The following PRIMPOL variants were observed in gnomAD, a reference collection of about 807,000 sequenced individuals.
PRIMPOL encodes DNA-directed primase/polymerase protein.
In PRIMPOL, 54 loss-of-function variants were observed where a neutral mutation model predicts 63.6. The observed-to-expected ratio is 0.85, with a 90% CI of 0.68 to 1.07. The LOEUF is 1.07. Among genes scored for constraint, PRIMPOL ranks in the 50% least tolerant of loss-of-function variants. The pLI, the probability that PRIMPOL is intolerant of heterozygous loss-of-function variation, is 0.00. For missense variants in PRIMPOL, 610 were observed against 648.3 expected, an observed-to-expected ratio of 0.94 and a Z score of 0.64; for synonymous variants, 197 against 220.2, an observed-to-expected ratio of 0.89 and a Z score of 0.93.
intron 9 of PRIMPOL, among the ~76,000 whole-genome samples, chr4:184,684,497 C>A (rs1427928530): frequency 1.1e-4 from 16 of 151,908 alleles, no homozygotes; most frequent in Admixed American, 1.0e-3. Flanking sequence ...ATAGGTCATT[C>A]TAAATTACTA....
chr4:184,665,780 C>G, intron 5 of PRIMPOL, 137 bp from the exon 6 acceptor site: 1 of 495,328 alleles, frequency 2.0e-6, no homozygotes, highest in South Asian at 3.9e-5. Context: ...GCTGGGATTA[C>G]AGGCATGAGC....
chr4:184,659,197 G>C, intron 3 of PRIMPOL, 143 bp from the exon 4 acceptor site: 1 of 633,656 alleles, frequency 1.6e-6, no homozygotes, highest in South Asian at 1.9e-5. Context: ...GTGACTATTT[G>C]TCTTGTTTTT....
chr4:184,667,814 T>TC (rs959617359), intron 6 of PRIMPOL, among the ~76,000 whole-genome samples: 11 of 152,090 alleles, frequency 7.2e-5, no homozygotes, highest in Admixed American at 4.6e-4. Flanking sequence ...CCCATCCCCT[T>TC]CCCCACTTGA....
chr4:184,659,511 A>T (rs1212011049), intron 4 of PRIMPOL, 74 bp downstream of exon 4: 24 of 1,083,686 alleles, frequency 2.2e-5, no homozygotes, highest in Non-Finnish European at 3.4e-5. Flanking sequence ...TGGTGAAATT[A>T]GTTCAGGCTG....
At chr4:184,665,889 A>T in intron 5 of PRIMPOL, 28 bp from the exon 6 acceptor site, 1 of 1,460,058 alleles carries the variant, frequency 6.8e-7, no homozygotes, top group Non-Finnish European at 9.2e-7. Context: ...AAAAATATAA[A>T]TTATTTGCAT....
At chr4:184,665,526 T>C (rs1322702198) in intron 5 of PRIMPOL, among the ~76,000 whole-genome samples, 1 of 145,004 alleles carries the variant, frequency 6.9e-6, no homozygotes, top group Non-Finnish European at 1.5e-5. Flanking sequence ...TTTTTTGAGA[T>C]GGAGTCTCAC....
intron 13 of PRIMPOL, 117 bp downstream of exon 13, chr4:184,691,829 TTATGA>T: frequency 1.4e-6 from 1 of 733,246 alleles, no homozygotes; most frequent in Admixed American, 2.3e-5. Flanking sequence ...TTGTTTTCAC[TTATGA>T]CTGTATTATA....
chr4:184,657,099 A>C lies in PRIMPOL; in HGVS notation c.-42A>C. On this transcript the variant is annotated 5_prime_UTR_variant, in exon 3 of 14. Coordinates refer to ENST00000314970, the MANE Select transcript of PRIMPOL (RefSeq NM_152683.4). ...TGTTTTAGTAGTAATTGATAGAAAT[A>C]TTACGTGGGATAGGATTTATTCTCT... 7.2e-7 allele frequency: 1 copy of C among 1,383,750 alleles called. No individual in the cohort carries two copies. The highest frequency in any genetic ancestry group is 9.6e-7 in the Non-Finnish European group (1 of 1,041,458). 85.7% of individuals were successfully genotyped at this position (1,383,750 alleles called of 1,614,324 possible).
chr4:184,670,824 C>T (rs975146598), intron 6 of PRIMPOL, among the ~76,000 whole-genome samples: 3 of 152,150 alleles, frequency 2.0e-5, no homozygotes, highest in Non-Finnish European at 4.4e-5. Flanking sequence ...CTTGGGATTA[C>T]AGGCATGAGC....
At chr4:184,688,600 G>A (rs187492572) in intron 11 of PRIMPOL, among the ~76,000 whole-genome samples, 11 of 152,188 alleles carry the variant, frequency 7.2e-5, no homozygotes, top group Non-Finnish European at 1.0e-4. Flanking sequence ...GAGGAAACCC[G>A]AGGCAGGCGT....
At chr4:184,659,101 T>C (rs916398062) in intron 3 of PRIMPOL, among the ~76,000 whole-genome samples, 16 of 152,204 alleles carry the variant, frequency 1.1e-4, no homozygotes, top group African/African-American at 3.4e-4. Flanking sequence ...CTTTTTTCTC[T>C]TTGGTCTGCA....
intron 6 of PRIMPOL, among the ~76,000 whole-genome samples, chr4:184,668,416 T>G (rs553579695): frequency 1.3e-5 from 2 of 152,380 alleles, no homozygotes; most frequent in Admixed American, 1.3e-4. Flanking sequence ...CCTCCAGTGA[T>G]TATTCGCTGC....
Position 184,657,145 on chromosome 4 carries a change from A to G in PRIMPOL, c.5A>G (p.Asn2Ser), listed in dbSNP as rs1746684298. 1.9e-6 allele frequency: 3 copies of G among 1,607,724 alleles called. No individual in the cohort carries two copies. The highest frequency in any genetic ancestry group is 1.7e-6 in the Non-Finnish European group (2 of 1,177,616). Reference protein sequence around the residue: MNRKWEAKLKQI... With the variant: MSRKWEAKLKQI... ...TCTCTCCACACTTCTGAACCAATGA[A>G]TAGAAAATGGGAAGCAAAACTGAAG... The change falls in exon 3 of 14, where the codon AAT becomes AGT. Residue 2 changes from asparagine to serine, a missense_variant. Physicochemically the swap from Asn to Ser is conservative, Grantham distance 46. Around this residue, in one of 3 missense-constraint regions of PRIMPOL, gnomAD observed 159 missense variants for 168.9 expected, o/e 0.94. Transcript: ENST00000314970.
At position 184,678,399 on chromosome 4, in the gene PRIMPOL, G is replaced by A; in HGVS notation, c.1007+5G>A. 6.3e-7 allele frequency: 1 copy of A among 1,591,608 alleles called. No individual in the cohort carries two copies. Among genetic ancestry groups the A allele is most frequent in the Non-Finnish European group, 8.5e-7 (1 of 1,170,914 alleles). On this transcript the variant is annotated splice_donor_5th_base_variant and intron_variant, in intron 8 of 13. Transcript: ENST00000314970. ...TTCTTTGGTCAGCAATGTCAGGTAT[G>A]TAGTAGCAGCATCAAACCATTTTGT...
At chr4:184,654,460 T>TTTTTTGTTTTTTTG (rs1434306040) in intron 2 of PRIMPOL, among the ~76,000 whole-genome samples, 2 of 147,088 alleles carry the variant, frequency 1.4e-5, no homozygotes, top group African/African-American at 5.0e-5. Flanking sequence ...GCAGTTTTTT[T>TTTTTTGTTTTTTTG]TTTTTTTTGA....
In PRIMPOL at chr4:184,682,328, G is replaced by T. The variant is rs1313069360; in HGVS notation, c.1088G>T (p.Gly363Val). The change falls in exon 9 of 14, where the codon GGC becomes GTC. Residue 363 changes from glycine (G) to valine (V), a missense_variant. Gly to Val is a moderately radical substitution (Grantham distance 109). Transcript: ENST00000314970. ...GGAGTTGGATATTTTAACAGTATCG[G>T]CACTTCAGGTAAATTTTTTGATGTT... ...QKGVGYFNSI[G>V]TSVETIEGFQ... is the part of the protein sequence containing the mutation. The T allele has an allele frequency of 1.9e-6, 3 of 1,567,228 alleles. No individual in the cohort carries two copies. Among genetic ancestry groups the T allele is most frequent in the Admixed American group, 1.7e-5 (1 of 59,482 alleles).
chr4:184,657,627 C>T, intron 3 of PRIMPOL: 1 of 191,258 alleles, frequency 5.2e-6, no homozygotes, highest in Non-Finnish European at 1.1e-5. Flanking sequence ...GGGAGGGGAA[C>T]CATATTTATT....
At chr4:184,689,279 C>T (rs1757825124) in intron 11 of PRIMPOL, among the ~76,000 whole-genome samples, 1 of 151,972 alleles carries the variant, frequency 6.6e-6, no homozygotes, top group African/African-American at 2.4e-5. Context: ...CCAGGTTGGC[C>T]TTGAACTCCA....
chr4:184,691,989 C>A lies in PRIMPOL; in HGVS notation c.1425+277C>A, dbSNP rs564012967. 2.2e-3 allele frequency among the ~76,000 whole-genome samples: 324 copies of A among 149,494 alleles called. 3 individuals carry two copies. The highest frequency in any genetic ancestry group is 7.7e-3 in the African/African-American group (312 of 40,658). ...TCCCATATTTTGCTTTTCAAAGTAA[C>A]AAAATACCCATCTTTGTATTTCTTT... On this transcript the variant is annotated intron_variant, in intron 13 of 13. Transcript: ENST00000314970.
Sources: allele counts gnomAD v4.1 joint callset (sites outside exome capture counted in the v4.1 genomes callset), GRCh38; gene constraint gnomAD v4.1.1; regional missense constraint gnomAD v4.1.1; transcripts MANE v1.5; gene names NCBI Gene and HGNC (gene_info 2026-07-23, HGNC 2026-07-21).